The following GSTCD variants were observed in gnomAD, a reference collection of about 807,000 sequenced individuals.
The protein encoded by GSTCD is glutathione S-transferase C-terminal domain-containing protein.
A neutral mutation model predicts 68.3 loss-of-function variants in GSTCD; 44 were observed. That is an observed-to-expected ratio of 0.64 (90% CI 0.51 to 0.83). The LOEUF (loss-of-function observed/expected upper bound fraction) is 0.83, where lower values mean the gene tolerates loss of function less well. Among genes scored for constraint, GSTCD ranks in the 40% least tolerant of loss-of-function variants. GSTCD has a pLI of 0.00. For missense variants in GSTCD, 739 were observed against 735.9 expected (o/e 1.00, Z -0.05); for synonymous variants, 273 against 255.2 (o/e 1.07, Z -0.67).
In GSTCD at chr4:105,717,755, ATTTGCTTAGTT is replaced by A; in HGVS notation, c.143_153del (p.Ile48SerfsTer7). ...TTACTGTGACTGTAAAATCTTTAAA[ATTTGCTTAGTT>A]GTCACCAAAGAGGTGAGTAGAGATA... On this transcript the variant is annotated frameshift_variant, in exon 2 of 12. Coordinates refer to ENST00000515279, the MANE Select transcript of GSTCD (RefSeq NM_001370181.1). LOFTEE classifies it high-confidence loss of function. 6.2e-7 allele frequency: 1 copy of A among 1,613,992 alleles called. No homozygotes were observed. Among genetic ancestry groups the A allele is most frequent in the Non-Finnish European group, 8.5e-7 (1 of 1,179,894 alleles).
intron 5 of GSTCD, among the ~76,000 whole-genome samples, chr4:105,751,765 A>G (rs913303882): frequency 6.6e-6 from 1 of 152,158 alleles, no homozygotes; most frequent in African/African-American, 2.4e-5. Context: ...TTTCATACTG[A>G]AAGCTTAATA....
rs1454005858 is a variant in GSTCD at position 105,717,895 on chromosome 4, A to C, written c.282A>C (p.Val94=). 5 of 1,614,060 alleles carry C rather than the reference A, an allele frequency of 3.1e-6. No individual in the cohort carries two copies. The highest frequency in any genetic ancestry group is 4.2e-6 in the Non-Finnish European group (5 of 1,180,026). ...AAAATTGCTGTTTGCCTGCAGTAGT[A>C]GAACGATCAGACAATTTTTGTAGAG... ...IVQNCCLPAV[V]ERSDNFCRAG... Residue 94 remains valine, a synonymous_variant, in exon 2 of 12, where the codon GTA becomes GTC. Coordinates refer to ENST00000515279, the MANE Select transcript of GSTCD (RefSeq NM_001370181.1).
chr4:105,711,433 CTT>C (rs976837101), intron 1 of GSTCD, among the ~76,000 whole-genome samples: 10 of 152,114 alleles, frequency 6.6e-5, no homozygotes, highest in African/African-American at 9.7e-5. Context: ...TTGGGAAAAA[CTT>C]TTCAATCAAT....
chr4:105,746,305 T>C (rs1733800983), intron 5 of GSTCD: 1 of 152,130 alleles, frequency 6.6e-6, no homozygotes, highest in Non-Finnish European at 1.5e-5. Flanking sequence ...AAGGTGTACA[T>C]TCTCATCATC....
At chr4:105,728,200 T>C (rs552460087) in intron 4 of GSTCD, among the ~76,000 whole-genome samples, 2 of 152,278 alleles carry the variant, frequency 1.3e-5, no homozygotes, top group Non-Finnish European at 2.9e-5. Flanking sequence ...GATGAAAATA[T>C]CTTAAAATAG....
chr4:105,724,406 T>TA lies in GSTCD; in HGVS notation c.895-2163dup, dbSNP rs894203932. Among the ~76,000 whole-genome samples the TA allele has an allele frequency of 4.7e-4, 70 of 149,916 alleles. No individual in the cohort carries two copies. In the South Asian group the frequency reaches 5.0e-3, roughly 11 times the overall value. Reference sequence around the variant, plus strand: ...AAGTCTTACTTTAAGTGCTGCTTTATAAAAAAAAAATTCTATAGTGCTAGT... The same window carrying TA: ...AAGTCTTACTTTAAGTGCTGCTTTATAAAAAAAAAAATTCTATAGTGCTAGT... On this transcript the variant is annotated intron_variant, in intron 3 of 11. Coordinates refer to ENST00000515279, the MANE Select transcript of GSTCD (RefSeq NM_001370181.1).
At chr4:105,743,916 C>G (rs763134551) in intron 5 of GSTCD, among the ~76,000 whole-genome samples, 15 of 152,174 alleles carry the variant, frequency 9.9e-5, no homozygotes, top group South Asian at 2.1e-4. Context: ...GCCTTGGCCT[C>G]CCAAAGTGTT....
At chr4:105,825,129 TTG>T in intron 7 of GSTCD, among the ~76,000 whole-genome samples, 1 of 150,810 alleles carries the variant, frequency 6.6e-6, no homozygotes, top group Non-Finnish European at 1.5e-5. Context: ...GGTTGGTTGG[TTG>T]GTTTGTTTGT....
chr4:105,791,388 G>A (rs113658631), intron 5 of GSTCD, among the ~76,000 whole-genome samples: 3,398 of 138,480 alleles, frequency 0.025, 136 homozygotes, highest in African/African-American at 0.078. Context: ...GCGAGACTCC[G>A]TCTCAAAAAA....
chr4:105,744,368 C>CT (rs1237930671), intron 5 of GSTCD, among the ~76,000 whole-genome samples: 1 of 152,148 alleles, frequency 6.6e-6, no homozygotes, highest in Non-Finnish European at 1.5e-5. Context: ...TACCTTGTTT[C>CT]TTTTCAACCT....
intron 5 of GSTCD, among the ~76,000 whole-genome samples, chr4:105,769,950 A>G (rs1339518809): frequency 1.3e-5 from 2 of 152,014 alleles, no homozygotes; most frequent in East Asian, 1.9e-4. Flanking sequence ...TAGAGATACA[A>G]TATTGTTACG....
At chr4:105,762,095 T>C (rs1197875616) in intron 5 of GSTCD, among the ~76,000 whole-genome samples, 1 of 152,210 alleles carries the variant, frequency 6.6e-6, no homozygotes, top group Admixed American at 6.5e-5. Context: ...AGATTTCAAG[T>C]GTTTTCCCAA....
chr4:105,805,544 A>C (rs1722453347), intron 5 of GSTCD, among the ~76,000 whole-genome samples: 1 of 152,050 alleles, frequency 6.6e-6, no homozygotes, highest in Non-Finnish European at 1.5e-5. Flanking sequence ...TTGTTTTTTA[A>C]CAGGTGGTTT....
At chr4:105,796,254 A>G (rs993977069) in intron 5 of GSTCD, among the ~76,000 whole-genome samples, 3 of 152,176 alleles carry the variant, frequency 2.0e-5, no homozygotes, top group African/African-American at 7.2e-5. Flanking sequence ...AAACCATCAG[A>G]TCTCGTGAGA....
At chr4:105,815,197 G>A (rs1342167909) in intron 5 of GSTCD, 9 of 152,010 alleles carry the variant, frequency 5.9e-5, no homozygotes, top group Admixed American at 5.9e-4. Flanking sequence ...GTTTGGTTAG[G>A]GCTTGATGGG....
chr4:105,744,046 G>A (rs547048848), intron 5 of GSTCD, among the ~76,000 whole-genome samples: 4 of 152,284 alleles, frequency 2.6e-5, no homozygotes, highest in African/African-American at 9.6e-5. Flanking sequence ...CCTATAGTCT[G>A]GCAGATTTTG....
At chr4:105,764,839 T>A (rs1734545589) in intron 5 of GSTCD, among the ~76,000 whole-genome samples, 1 of 152,222 alleles carries the variant, frequency 6.6e-6, no homozygotes, top group South Asian at 2.1e-4. Context: ...CATATTCTTT[T>A]ATTTTTTATG....
At chr4:105,808,453 T>C (rs1722614992) in intron 5 of GSTCD, among the ~76,000 whole-genome samples, 1 of 152,150 alleles carries the variant, frequency 6.6e-6, no homozygotes, top group Non-Finnish European at 1.5e-5. Flanking sequence ...TGCTGTATCT[T>C]AATCTAAGCA....
chr4:105,807,809 G>A (rs908558960), intron 5 of GSTCD, among the ~76,000 whole-genome samples: 6 of 152,018 alleles, frequency 3.9e-5, no homozygotes, highest in Admixed American at 6.6e-5. Flanking sequence ...TAAGAATACC[G>A]GTTTCCCTTT....
Sources: gnomAD v4.1 joint callset for allele counts (sites outside exome capture counted in the v4.1 genomes callset) on GRCh38, gnomAD v4.1.1 for gene constraint, MANE v1.5 for transcripts, NCBI Gene and HGNC (gene_info 2026-07-23, HGNC 2026-07-21) for gene names.